The following SDHA variants were observed in gnomAD, a reference collection of about 807,000 sequenced individuals.
SDHA encodes the protein succinate dehydrogenase [ubiquinone] flavoprotein subunit, mitochondrial.
In SDHA, 48 loss-of-function variants were observed where a neutral mutation model predicts 78.4. The ratio of observed to expected loss-of-function variants is 0.61; its 90% CI spans 0.49 to 0.78. The LOEUF is 0.78. Ranked by LOEUF, SDHA falls within the 30% of genes least tolerant of loss-of-function variation. SDHA has a pLI of 0.00. For synonymous variants in SDHA, 326 were observed against 353.9 expected, an observed-to-expected ratio of 0.92 and a Z score of 0.88; for missense variants, 680 against 892.7, an observed-to-expected ratio of 0.76 and a Z score of 3.04.
In SDHA at chr5:230,943, A is replaced by G; in HGVS notation, c.838A>G (p.Ile280Val). 1 of 1,614,012 alleles carries G rather than the reference A, an allele frequency of 6.2e-7. No individual in the cohort carries two copies. The change falls in exon 7 of 15, where the codon ATC becomes GTC. Residue 280 changes from isoleucine to valine, a missense_variant. Transcript: ENST00000264932. ...HTSTGDGTAM[I>V]TRAGLPCQDL... ...CAGCACTGGCGACGGCACGGCCATG[A>G]TCACCAGGGCAGGCCTTCCTTGCCA...
At chr5:228,389 G>A (rs1735184306) in intron 6 of SDHA, 56 bp downstream of exon 6, 10 of 1,522,380 alleles carry the variant, frequency 6.6e-6, no homozygotes, top group African/African-American at 4.2e-5. Flanking sequence ...ATTTCATTTA[G>A]AGTTTCTTTA....
chr5:219,711 G>T (rs767675715), intron 1 of SDHA, among the ~76,000 whole-genome samples: 3 of 152,230 alleles, frequency 2.0e-5, no homozygotes, highest in Non-Finnish European at 4.4e-5. Context: ...CCCATGGTCA[G>T]TGGGGCTTTT....
At chr5:241,238 GGA>G (rs1377176630) in intron 11 of SDHA, among the ~76,000 whole-genome samples, 2 of 152,164 alleles carry the variant, frequency 1.3e-5, no homozygotes, top group African/African-American at 4.8e-5. Flanking sequence ...ACAGCGTGGA[GGA>G]GAGGGAACTG....
At chr5:232,539 T>G (rs1358077995) in intron 7 of SDHA, among the ~76,000 whole-genome samples, 3 of 152,194 alleles carry the variant, frequency 2.0e-5, no homozygotes, top group Non-Finnish European at 4.4e-5. Flanking sequence ...TTTTTATTAC[T>G]GTTTTTAATG....
At chr5:220,310 A>G (rs141152528) in intron 1 of SDHA, 21 of 439,564 alleles carry the variant, frequency 4.8e-5, no homozygotes, top group African/African-American at 1.8e-4. Context: ...AGAAACTTCA[A>G]TAGTTACTGG....
rs757707693 is a variant in SDHA, at chr5:225,972, G to A, written c.546G>A (p.Lys182=). Residue 182 remains lysine, a synonymous_variant, in exon 5 of 15, where the codon AAG becomes AAA. Coordinates refer to ENST00000264932, the MANE Select transcript of SDHA (RefSeq NM_004168.4). ...GTGGACAGAGCCTCAAGTTTGGAAA[G>A]GGCGGGCAGGCCCATCGGTGCTGCT... ...AFGGQSLKFG[K]GGQAHRCCCV... is the part of the protein sequence containing the mutation. 5 of 1,614,166 alleles carry A rather than the reference G, an allele frequency of 3.1e-6. No homozygotes were observed. The South Asian group carries it at 3.3e-5, about 11-fold the overall frequency.
chr5:222,975 G>T (rs1427567792), intron 1 of SDHA, among the ~76,000 whole-genome samples: 2 of 152,180 alleles, frequency 1.3e-5, no homozygotes, highest in Non-Finnish European at 2.9e-5. Flanking sequence ...AGCTTTTACT[G>T]TTCCAGGATA....
chr5:218,633 C>T (rs536305718), intron 1 of SDHA, among the ~76,000 whole-genome samples: 66 of 152,290 alleles, frequency 4.3e-4, no homozygotes, highest in African/African-American at 1.5e-3. Flanking sequence ...GTAGATAGTC[C>T]GCGTCCGGGT....
At chr5:251,536 CCTGCATTTTCT>C (rs1736834314) in intron 13 of SDHA, 68 bp downstream of exon 13, 8 of 1,610,572 alleles carry the variant, frequency 5.0e-6, no homozygotes, top group Non-Finnish European at 8.5e-7. Flanking sequence ...CAGCCCCACC[CCTGCATTTTCT>C]CTGCATTTTC....
At chr5:236,178 T>C in intron 9 of SDHA, 1 of 504,076 alleles carries the variant, frequency 2.0e-6, no homozygotes. Flanking sequence ...GCACCCGCCA[T>C]TATGCCCCGC....
At chr5:227,271 A>G (rs1735089865) in intron 5 of SDHA, among the ~76,000 whole-genome samples, 1 of 152,194 alleles carries the variant, frequency 6.6e-6, no homozygotes, top group African/African-American at 2.4e-5. Flanking sequence ...TGGCCTCCGA[A>G]AGTGCTGGGA....
At chr5:244,158 C>T (rs1455442289) in intron 11 of SDHA, among the ~76,000 whole-genome samples, 4 of 151,912 alleles carry the variant, frequency 2.6e-5, no homozygotes, top group South Asian at 2.1e-4. Context: ...ACTCCCTCAC[C>T]CCTGTACAAT....
intron 11 of SDHA, among the ~76,000 whole-genome samples, chr5:245,826 C>G (rs938591288): frequency 6.6e-6 from 1 of 152,200 alleles, no homozygotes; most frequent in Non-Finnish European, 1.5e-5. Flanking sequence ...CCTACCTATG[C>G]CATGAGTAAT....
Position 235,295 on chromosome 5 carries a change from G to A in SDHA, c.1216G>A (p.Val406Met), listed in dbSNP as rs1258201485. 16 of 1,614,108 alleles carry A rather than the reference G, an allele frequency of 9.9e-6. No homozygotes were observed. Among genetic ancestry groups the A allele is most frequent in the Non-Finnish European group, 1.4e-5 (16 of 1,180,014 alleles). The change falls in exon 9 of 15, where the codon GTG (valine) becomes ATG (methionine). Residue 406 changes from valine to methionine, a missense_variant. Transcript: ENST00000264932. ...GGAGCCGATCCCTGTCCTCCCCACC[G>A]TGCATTATAACATGGGCGGCATTCC... ...TKEPIPVLPT[V>M]HYNMGGIPTN...
intron 14 of SDHA, 122 bp from the exon 15 acceptor site, chr5:256,212 G>A: frequency 1.3e-6 from 1 of 790,918 alleles, no homozygotes; most frequent in Non-Finnish European, 2.3e-6. Flanking sequence ...GTAAAGCACT[G>A]AGAATCTTAA....
chr5:251,678 C>A, intron 13 of SDHA: 1 of 1,499,816 alleles, frequency 6.7e-7, no homozygotes, highest in East Asian at 2.7e-5. Context: ...TCGGCATCCA[C>A]TGATGCCAGC....
the SDHA span, among the ~76,000 whole-genome samples, chr5:265,752 G>A: frequency 7.2e-5 from 11 of 151,932 alleles, no homozygotes; most frequent in African/African-American, 2.7e-4. Flanking sequence ...CCCGGGAGGC[G>A]GAGGTTGCAG....
rs1560985916 is a variant in SDHA, at chr5:224,369, C to T, written c.160C>T (p.Gln54Ter). The change falls in exon 3 of 15, where the codon CAG becomes TAG. Residue 54 changes from glutamine (Q) to a stop codon, truncating the protein, a stop_gained. Coordinates refer to ENST00000264932, the MANE Select transcript of SDHA (RefSeq NM_004168.4). LOFTEE classifies it high-confidence loss of function. ...SAKVSDSISAQYPVVDHEFDA... is the reference protein window; with the variant it reads ...SAKVSDSISA ...AATTTTTCTTTTCCAGATTTCTGCT[C>T]AGTATCCAGTAGTGGATCATGAATT... The T allele has an allele frequency of 6.2e-7, 1 of 1,613,298 alleles. No homozygotes were observed. Among genetic ancestry groups the T allele is most frequent in the Non-Finnish European group, 8.5e-7 (1 of 1,179,752 alleles).
chr5:239,793 A>G (rs10055812), intron 10 of SDHA, among the ~76,000 whole-genome samples: 19,389 of 150,102 alleles, frequency 0.13, 1,325 homozygotes, highest in Admixed American at 0.17. Context: ...TTTTTAAGAC[A>G]GGGTCTCGCT....
Sources: gnomAD v4.1 joint callset for allele counts (sites outside exome capture counted in the v4.1 genomes callset) on GRCh38, gnomAD v4.1.1 for gene constraint, MANE v1.5 for transcripts, NCBI Gene and HGNC (gene_info 2026-07-23, HGNC 2026-07-21) for gene names.